The following GPC5 variants were observed in gnomAD, a reference collection of about 807,000 sequenced individuals.
The protein encoded by GPC5 is glypican 5, also known as glypican-5.
Under a neutral mutation model 53.9 loss-of-function variants are expected in GPC5, and 47 were observed. That is an observed-to-expected ratio of 0.87 (90% CI 0.69 to 1.11). The LOEUF (loss-of-function observed/expected upper bound fraction) is 1.11, where lower values mean the gene tolerates loss of function less well. GPC5 is among the 50% of genes most tolerant of loss of function. The probability of loss-of-function intolerance (pLI) is 0.00; values close to 1 mark genes in which losing one functional copy is unlikely to be tolerated. For missense variants in GPC5, 748 were observed against 713.1 expected (o/e 1.05, Z -0.56); for synonymous variants, 286 against 263.3 (o/e 1.09, Z -0.84).
chr13:92,017,906 A>G (rs1248848829), intron 6 of GPC5, among the ~76,000 whole-genome samples: 2 of 151,946 alleles, frequency 1.3e-5, no homozygotes, highest in Admixed American at 1.3e-4. Context: ...ACACACGTAC[A>G]CGTGCATGAG....
intron 5 of GPC5, among the ~76,000 whole-genome samples, chr13:91,817,235 A>G (rs1405723676): frequency 6.6e-6 from 1 of 152,148 alleles, no homozygotes; most frequent in African/African-American, 2.4e-5. Context: ...TTGGATTATA[A>G]ATGCATGGAT....
At chr13:92,159,641 C>T (rs1387642114) in intron 7 of GPC5, among the ~76,000 whole-genome samples, 5 of 125,040 alleles carry the variant, frequency 4.0e-5, no homozygotes, top group African/African-American at 1.5e-4. Context: ...GTCGCTCCGT[C>T]GCCCAGGCTG....
At chr13:91,881,284 A>G (rs1469408759) in intron 5 of GPC5, among the ~76,000 whole-genome samples, 1 of 152,126 alleles carries the variant, frequency 6.6e-6, no homozygotes, top group Non-Finnish European at 1.5e-5. Context: ...AACATAAAAT[A>G]TTTTAACATA....
In GPC5 at chr13:91,437,087, A is replaced by G. The variant is rs537120708; in HGVS notation, c.164-11674A>G. ...ATTTTGAGCCTATGTGTGTCGCTGCATATGAGATGGGTTTCCTGAATACAG... is the reference window on the plus strand; with the variant it reads ...ATTTTGAGCCTATGTGTGTCGCTGCGTATGAGATGGGTTTCCTGAATACAG... On this transcript the variant is annotated intron_variant, in intron 1 of 7. Coordinates refer to ENST00000377067, the MANE Select transcript of GPC5 (RefSeq NM_004466.6). Among the ~76,000 whole-genome samples the G allele has an allele frequency of 1.6e-4, 24 of 152,232 alleles. No individual in the cohort carries two copies. The East Asian group carries it at 4.4e-3, about 28-fold the overall frequency.
At chr13:92,304,387 G>T (rs1213403279) in intron 7 of GPC5, among the ~76,000 whole-genome samples, 1 of 151,776 alleles carries the variant, frequency 6.6e-6, no homozygotes, top group Non-Finnish European at 1.5e-5. Flanking sequence ...TGTATTTTTA[G>T]TAGAGATGGG....
chr13:92,249,422 C>G (rs1057074153), intron 7 of GPC5, among the ~76,000 whole-genome samples: 4 of 152,068 alleles, frequency 2.6e-5, no homozygotes, highest in African/African-American at 9.7e-5. Context: ...CAGTATCTCT[C>G]CAACTACAAT....
intron 2 of GPC5, among the ~76,000 whole-genome samples, chr13:91,523,259 T>G (rs1046192888): frequency 1.3e-5 from 2 of 152,138 alleles, no homozygotes; most frequent in African/African-American, 4.8e-5. Flanking sequence ...CCAAAGGAGA[T>G]GAAATCAGTA....
chr13:92,232,534 G>T (rs990967347), intron 7 of GPC5, among the ~76,000 whole-genome samples: 2 of 152,112 alleles, frequency 1.3e-5, no homozygotes, highest in Non-Finnish European at 2.9e-5. Context: ...CTTACTAATG[G>T]ATATGTATTG....
At chr13:91,801,543 A>G (rs1387219719) in intron 5 of GPC5, among the ~76,000 whole-genome samples, 2 of 152,154 alleles carry the variant, frequency 1.3e-5, no homozygotes, top group Non-Finnish European at 2.9e-5. Flanking sequence ...TGGACCATAT[A>G]GCTGATGACA....
At chr13:91,856,822 C>T (rs2038972329) in intron 5 of GPC5, among the ~76,000 whole-genome samples, 1 of 151,186 alleles carries the variant, frequency 6.6e-6, no homozygotes, top group African/African-American at 2.4e-5. Flanking sequence ...TTCTCTATGT[C>T]CTAAGAAATA....
chr13:92,024,180 G>A (rs906673822), intron 6 of GPC5, among the ~76,000 whole-genome samples: 1 of 151,960 alleles, frequency 6.6e-6, no homozygotes, highest in Non-Finnish European at 1.5e-5. Flanking sequence ...CTTTGATTTG[G>A]TTGCACAGTC....
chr13:92,386,448 G>A (rs1377376374), intron 7 of GPC5, among the ~76,000 whole-genome samples: 2 of 151,978 alleles, frequency 1.3e-5, no homozygotes, highest in Non-Finnish European at 1.5e-5. Flanking sequence ...AGGGTTAAAA[G>A]GTAGATTCTA....
At chr13:92,780,312 T>C (rs1348200054) in intron 7 of GPC5, among the ~76,000 whole-genome samples, 1 of 151,338 alleles carries the variant, frequency 6.6e-6, no homozygotes, top group Admixed American at 6.6e-5. Flanking sequence ...CTTAATATAA[T>C]TAAGTGTAAT....
intron 2 of GPC5, among the ~76,000 whole-genome samples, chr13:91,667,876 G>A (rs899180603): frequency 7.9e-5 from 12 of 152,158 alleles, no homozygotes; most frequent in African/African-American, 2.7e-4. Context: ...ATCTCCTCCA[G>A]TGAGGCTCTG....
Position 91,435,931 on chromosome 13 carries a change from G to A in GPC5, c.164-12830G>A, listed in dbSNP as rs376845363. ...TTAGTCTTGGGAGGGTGTATGTGTC[G>A]AGGAATTTATCCATTTCTTCTAGAT... On this transcript the variant is annotated intron_variant, in intron 1 of 7. Coordinates refer to ENST00000377067, the MANE Select transcript of GPC5 (RefSeq NM_004466.6). Among the ~76,000 whole-genome samples the A allele has an allele frequency of 3.3e-3, 496 of 152,148 alleles. 2 individuals carry two copies. Among genetic ancestry groups the A allele is most frequent in the Non-Finnish European group, 5.0e-3 (341 of 67,986 alleles).
intron 7 of GPC5, among the ~76,000 whole-genome samples, chr13:92,421,982 T>A (rs1876588365): frequency 6.6e-6 from 1 of 151,980 alleles, no homozygotes; most frequent in African/African-American, 2.4e-5. Context: ...GGTCAACACT[T>A]CCCACCACTC....
At chr13:91,685,567 T>G (rs2139762897) in intron 2 of GPC5, among the ~76,000 whole-genome samples, 1 of 152,316 alleles carries the variant, frequency 6.6e-6, no homozygotes, top group Non-Finnish European at 1.5e-5. Context: ...CTGTAATACC[T>G]AACATAACAA....
chr13:92,348,260 T>C (rs1271238130), intron 7 of GPC5, among the ~76,000 whole-genome samples: 3 of 150,756 alleles, frequency 2.0e-5, no homozygotes, highest in Non-Finnish European at 4.4e-5. Flanking sequence ...AGACTGAAAA[T>C]AAAGGGATGG....
At chr13:92,351,932 G>A (rs773237475) in intron 7 of GPC5, among the ~76,000 whole-genome samples, 6 of 152,110 alleles carry the variant, frequency 3.9e-5, no homozygotes, top group Admixed American at 1.3e-4. Flanking sequence ...TCAAAATTCC[G>A]AAGTAATTAT....
Sources: gnomAD v4.1 joint callset for allele counts (sites outside exome capture counted in the v4.1 genomes callset) on GRCh38, gnomAD v4.1.1 for gene constraint, MANE v1.5 for transcripts, NCBI Gene and HGNC (gene_info 2026-07-23, HGNC 2026-07-21) for gene names.